Variants in BRAF observed in about 807,000 individuals in gnomAD.
BRAF encodes the protein serine/threonine-protein kinase B-raf.
A neutral mutation model predicts 104.6 loss-of-function variants in BRAF; 16 were observed. The ratio of observed to expected loss-of-function variants is 0.15; its 90% CI spans 0.10 to 0.23. The LOEUF is 0.23. Among genes scored for constraint, BRAF ranks in the 10% least tolerant of loss-of-function variants. BRAF has a pLI of 1.00. For missense variants in BRAF, 541 were observed against 937.3 expected (o/e 0.58, Z 5.52); for synonymous variants, 310 against 341.6 (o/e 0.91, Z 1.02).
At chr7:140,841,714 G>A (rs1438798777) in intron 2 of BRAF, among the ~76,000 whole-genome samples, 1 of 152,108 alleles carries the variant, frequency 6.6e-6, no homozygotes, top group Non-Finnish European at 1.5e-5. Context: ...GTAGATCAGT[G>A]GTTGTCAGGG....
At chr7:140,816,991 T>C (rs1222996591) in intron 3 of BRAF, among the ~76,000 whole-genome samples, 1 of 151,480 alleles carries the variant, frequency 6.6e-6, no homozygotes. Flanking sequence ...AAAAAGGGTA[T>C]CCAAATTGGA....
intron 5 of BRAF, among the ~76,000 whole-genome samples, chr7:140,803,747 T>C (rs756682870): frequency 6.6e-6 from 1 of 152,252 alleles, no homozygotes; most frequent in Admixed American, 6.5e-5. Context: ...GAAGAATCTA[T>C]CCCACTAAAG....
intron 5 of BRAF, among the ~76,000 whole-genome samples, chr7:140,802,110 C>G (rs956265495): frequency 2.6e-5 from 4 of 151,914 alleles, no homozygotes; most frequent in Non-Finnish European, 5.9e-5. Flanking sequence ...GTTAATAAAG[C>G]AAGAAATTGT....
intron 1 of BRAF, among the ~76,000 whole-genome samples, chr7:140,893,978 C>CA (rs1814576458): frequency 6.6e-6 from 1 of 151,870 alleles, no homozygotes. Context: ...CAAAAAAATG[C>CA]AAAAAATTAG....
In BRAF at chr7:140,754,224, G is replaced by C. The variant is rs199714538; in HGVS notation, c.1824C>G (p.His608Gln). The C allele has an allele frequency of 6.2e-7, 1 of 1,613,640 alleles. No homozygotes were observed. The highest frequency in any genetic ancestry group is 8.5e-7 in the Non-Finnish European group (1 of 1,179,678). The change falls in exon 15 of 20, where the codon CAC becomes CAG. Residue 608 changes from histidine (H) to glutamine (Q), a missense_variant. Physicochemically the swap from His to Gln is conservative, Grantham distance 24. Around this residue, in one of 10 missense-constraint regions of BRAF, gnomAD observed 129 missense variants for 285.8 expected, o/e 0.45. Coordinates refer to ENST00000644969, the MANE Select transcript of BRAF (RefSeq NM_001374258.1). ...RQTAQGMDYL[H>Q]AKSIIHRDLK... ...GGTCTCTGTGGATGATTGACTTGGC[G>C]TGTAAGTAACTGAAAAACAAAACAT...
At chr7:140,843,925 C>G (rs1475028298) in intron 2 of BRAF, among the ~76,000 whole-genome samples, 2 of 152,116 alleles carry the variant, frequency 1.3e-5, no homozygotes, top group Non-Finnish European at 2.9e-5. Flanking sequence ...AGGAGAATGG[C>G]GTGAACCCGG....
chr7:140,823,039 G>A (rs1364320920), intron 3 of BRAF, among the ~76,000 whole-genome samples: 2 of 152,096 alleles, frequency 1.3e-5, no homozygotes, highest in East Asian at 3.9e-4. Context: ...GCCCTGGCTG[G>A]TATGGAACTC....
chr7:140,734,483 T>C (rs1796215094), intron 19 of BRAF: 5 of 1,596,224 alleles, frequency 3.1e-6, no homozygotes, highest in East Asian at 4.5e-5. Context: ...CAAGTGTTCT[T>C]TGGTTCACCT....
chr7:140,775,696 T>C (rs1800275680), intron 14 of BRAF, among the ~76,000 whole-genome samples: 1 of 152,216 alleles, frequency 6.6e-6, no homozygotes, highest in African/African-American at 2.4e-5. Context: ...TTCTAACTTA[T>C]CTGAAACGTT....
At chr7:140,794,502 G>A (rs759193766) in intron 7 of BRAF, 35 bp from the exon 8 acceptor site, 2 of 1,601,676 alleles carry the variant, frequency 1.2e-6, no homozygotes, top group Non-Finnish European at 1.7e-6. Context: ...ATAAGATTCA[G>A]AGTAACGATA....
At chr7:140,907,418 T>C (rs750454625) in intron 1 of BRAF, among the ~76,000 whole-genome samples, 1 of 152,010 alleles carries the variant, frequency 6.6e-6, no homozygotes. Context: ...CCTGCCACCA[T>C]GCCCAGCTAA....
At chr7:140,748,735 T>C (rs2128993635) in intron 17 of BRAF, among the ~76,000 whole-genome samples, 1 of 152,250 alleles carries the variant, frequency 6.6e-6, no homozygotes, top group East Asian at 1.9e-4. Context: ...GCTATGTTAG[T>C]ACCTTTTGGA....
chr7:140,723,717 T>C lies in BRAF; in HGVS notation c.*2777A>G, dbSNP rs2130824873. ...AGGCTTCACCTCTCCCTACCAAAAATAAAACACACTACAGAAGGCACTGCA... is the reference window on the plus strand; with the variant it reads ...AGGCTTCACCTCTCCCTACCAAAAACAAAACACACTACAGAAGGCACTGCA... On this transcript the variant is annotated 3_prime_UTR_variant, in exon 20 of 20. Transcript: ENST00000644969. 1.9e-6 allele frequency: 2 copies of C among 1,050,466 alleles called. No individual in the cohort carries two copies. The highest frequency in any genetic ancestry group is 2.3e-6 in the Non-Finnish European group (2 of 869,912). 65.1% of individuals were successfully genotyped at this position (1,050,466 alleles called of 1,614,324 possible).
intron 14 of BRAF, among the ~76,000 whole-genome samples, chr7:140,754,501 T>C (rs1798043221): frequency 6.6e-6 from 1 of 152,162 alleles, no homozygotes; most frequent in African/African-American, 2.4e-5. Flanking sequence ...ATACAAACCT[T>C]TCACTCCAGT....
chr7:140,856,523 T>C (rs909411382), intron 1 of BRAF, among the ~76,000 whole-genome samples: 5 of 151,982 alleles, frequency 3.3e-5, no homozygotes, highest in Non-Finnish European at 7.4e-5. Context: ...ACAACACATA[T>C]AAAGAAGAAG....
intron 2 of BRAF, among the ~76,000 whole-genome samples, chr7:140,843,476 C>G (rs188706068): frequency 6.6e-6 from 1 of 152,276 alleles, no homozygotes; most frequent in Admixed American, 6.5e-5. Context: ...GTTCCAGAAA[C>G]TTATTCTTGA....
In BRAF at chr7:140,719,518, T is replaced by C. The variant is rs1795222171; in HGVS notation, c.*6976A>G. ...TTTCTATCCAAACTGAACAATATTT[T>C]CTGTTATACAAATTTACATGAGAAA... On this transcript the variant is annotated 3_prime_UTR_variant, in exon 20 of 20. Coordinates refer to ENST00000644969, the MANE Select transcript of BRAF (RefSeq NM_001374258.1). 1 of 1,030,186 alleles carries C rather than the reference T, an allele frequency of 9.7e-7. No individual in the cohort carries two copies. Among genetic ancestry groups the C allele is most frequent in the African/African-American group, 1.7e-5 (1 of 60,026 alleles). The allele number at this position is 1,030,186 out of a possible 1,614,324, so 63.8% of individuals were successfully genotyped here. A position where few individuals can be genotyped will look rare whatever the true frequency, so the allele number is the denominator to read the frequency against.
chr7:140,801,307 G>T, intron 6 of BRAF, 105 bp downstream of exon 6: 1 of 1,307,308 alleles, frequency 7.6e-7, no homozygotes, highest in Non-Finnish European at 1.1e-6. Context: ...TATAACAATC[G>T]TATGGAAGAA....
At chr7:140,822,082 A>G (rs1366230314) in intron 3 of BRAF, among the ~76,000 whole-genome samples, 1 of 152,180 alleles carries the variant, frequency 6.6e-6, no homozygotes, top group African/African-American at 2.4e-5. Flanking sequence ...GGATGATGGG[A>G]TCATTTGTAC....
Sources: allele counts gnomAD v4.1 joint callset (sites outside exome capture counted in the v4.1 genomes callset), GRCh38; gene constraint gnomAD v4.1.1; regional missense constraint gnomAD v4.1.1; transcripts MANE v1.5; gene names NCBI Gene and HGNC (gene_info 2026-07-23, HGNC 2026-07-21).